Variants in LRRK2 observed in about 807,000 individuals in gnomAD.
The protein encoded by LRRK2 is leucine rich repeat kinase 2.
LRRK2 carries 203 observed loss-of-function variants against 302.6 expected under a neutral mutation model. That is an observed-to-expected ratio of 0.67 (90% confidence interval 0.60 to 0.75). The LOEUF (loss-of-function observed/expected upper bound fraction) is 0.75. LRRK2 is among the 30% of genes least tolerant of loss of function. The pLI is 0.00. For missense variants in LRRK2, 2,830 were observed against 2,951.0 expected, an observed-to-expected ratio of 0.96 and a Z score of 0.95; for synonymous variants, 1,066 against 1,031.9, an observed-to-expected ratio of 1.03 and a Z score of -0.63.
At chr12:40,270,040 G>A (rs1035858091) in intron 14 of LRRK2, among the ~76,000 whole-genome samples, 1 of 152,076 alleles carries the variant, frequency 6.6e-6, no homozygotes, top group African/African-American at 2.4e-5. Context: ...GTTTTGTTAT[G>A]TATAAAATGG....
chr12:40,295,750 C>A lies in LRRK2; in HGVS notation c.3096+106C>A, dbSNP rs1469000276. ...TTAAAAGAACATTCTACTTTTGTGT[C>A]ACTGGGTGATAAGTCCCCCGTGCCT... On this transcript the variant is annotated intron_variant, in intron 23 of 50. Transcript: ENST00000298910. 4.6e-6 allele frequency: 5 copies of A among 1,091,808 alleles called. No homozygotes were observed. In the East Asian group the frequency reaches 1.3e-4, roughly 28 times the overall value. The allele number at this position is 1,091,808 out of a possible 1,614,324, so 67.6% of individuals were successfully genotyped here. A position where few individuals can be genotyped will look rare whatever the true frequency, so the allele number is the denominator to read the frequency against.
intron 14 of LRRK2, among the ~76,000 whole-genome samples, chr12:40,270,792 A>G (rs894585292): frequency 1.2e-4 from 18 of 152,134 alleles, no homozygotes; most frequent in Admixed American, 1.0e-3. Flanking sequence ...CTTTATATAC[A>G]TATACATACA....
At chr12:40,274,516 T>C in intron 14 of LRRK2, 67 bp from the exon 15 acceptor site, 1 of 1,525,898 alleles carries the variant, frequency 6.6e-7, no homozygotes, top group Non-Finnish European at 9.0e-7. Flanking sequence ...TGTCAGTCTA[T>C]AACTGGTCTT....
chr12:40,309,512 A>G (rs999618356), intron 30 of LRRK2, among the ~76,000 whole-genome samples: 3 of 152,094 alleles, frequency 2.0e-5, no homozygotes, highest in African/African-American at 7.2e-5. Context: ...TTTTTTAATT[A>G]TATTATTTCT....
intron 2 of LRRK2, among the ~76,000 whole-genome samples, chr12:40,226,805 A>G (rs1439268518): frequency 6.6e-6 from 1 of 152,138 alleles, no homozygotes; most frequent in Non-Finnish European, 1.5e-5. Context: ...GCACTGGCCT[A>G]TTGTGCTTCC....
chr12:40,274,998 G>A lies in LRRK2; in HGVS notation c.1941+5G>A. Reference sequence around the variant, plus strand: ...GTTGCTGAAATACAGACTAAAGTATGTGCATTATCTTGGAAAGAATTTGGG... The same window carrying A: ...GTTGCTGAAATACAGACTAAAGTATATGCATTATCTTGGAAAGAATTTGGG... On this transcript the variant is annotated splice_donor_5th_base_variant and intron_variant, in intron 16 of 50. Coordinates refer to ENST00000298910, the MANE Select transcript of LRRK2 (RefSeq NM_198578.4). 1.9e-6 allele frequency: 3 copies of A among 1,613,738 alleles called. No homozygotes were observed. In the South Asian group the frequency reaches 3.3e-5, roughly 18 times the overall value.
chr12:40,300,635 C>CT lies in LRRK2; in HGVS notation c.3496+1381dup, dbSNP rs200639736. On this transcript the variant is annotated intron_variant, in intron 25 of 50. Coordinates refer to ENST00000298910, the MANE Select transcript of LRRK2 (RefSeq NM_198578.4). ...CTCCTACCCTCCTGAATATTGGCCA[C>CT]TTTCCAACCATGATCTTGAAACTGG... is the stretch of plus-strand genomic sequence containing the variant. Among the ~76,000 whole-genome samples, 45 of 152,258 alleles carry CT rather than the reference C, an allele frequency of 3.0e-4. No individual in the cohort carries two copies. The East Asian group carries it at 6.0e-3, about 20-fold the overall frequency.
chr12:40,301,316 C>A (rs769282358), intron 25 of LRRK2, among the ~76,000 whole-genome samples: 1 of 152,032 alleles, frequency 6.6e-6, no homozygotes, highest in East Asian at 1.9e-4. Flanking sequence ...CCCAGCTACT[C>A]GGGAGGCTGA....
In LRRK2 at chr12:40,287,544, T is replaced by A; in HGVS notation, c.2689+5T>A. 1 of 1,608,874 alleles carries A rather than the reference T, an allele frequency of 6.2e-7. No individual in the cohort carries two copies. Among genetic ancestry groups the A allele is most frequent in the East Asian group, 2.2e-5 (1 of 44,766 alleles). ...GTGATGACCTGGATAGTGAAGGTATTTATTATAAAAAAAAACCCTTTATGC... is the reference window on the plus strand; with the variant it reads ...GTGATGACCTGGATAGTGAAGGTATATATTATAAAAAAAAACCCTTTATGC... On this transcript the variant is annotated splice_donor_5th_base_variant and intron_variant, in intron 20 of 50. Transcript: ENST00000298910.
rs11564184 is a variant in LRRK2 at position 40,260,837 on chromosome 12, C to T, written c.1543+1233C>T. 1.2e-3 allele frequency among the ~76,000 whole-genome samples: 180 copies of T among 152,186 alleles called. 2 individuals carry two copies. The highest frequency in any genetic ancestry group is 1.5e-3 in the Non-Finnish European group (100 of 68,006). The stretch of plus-strand genomic sequence containing the variant: ...TTGGGAGATCTGTTTGATGTGACAT[C>T]GTGATCCCTAAGTATGAGGGATGAT... On this transcript the variant is annotated intron_variant, in intron 13 of 50. Coordinates refer to ENST00000298910, the MANE Select transcript of LRRK2 (RefSeq NM_198578.4).
intron 50 of LRRK2, 96 bp downstream of exon 50, chr12:40,367,173 A>G: frequency 9.7e-7 from 1 of 1,033,344 alleles, no homozygotes; most frequent in Non-Finnish European, 1.5e-6. Flanking sequence ...AATATTACAT[A>G]TGGTATAATC....
chr12:40,339,361 C>T (rs904118093), intron 40 of LRRK2, among the ~76,000 whole-genome samples: 1 of 152,184 alleles, frequency 6.6e-6, no homozygotes, highest in African/African-American at 2.4e-5. Flanking sequence ...AGTTGGAAAT[C>T]AGAATTTTAT....
At chr12:40,259,318 T>C (rs1182118032) in intron 12 of LRRK2, among the ~76,000 whole-genome samples, 162 bp from the exon 13 acceptor site, 1 of 152,204 alleles carries the variant, frequency 6.6e-6, no homozygotes, top group Non-Finnish European at 1.5e-5. Flanking sequence ...GTTTAGACAA[T>C]TAAAATTATG....
chr12:40,354,152 A>C, intron 44 of LRRK2, 147 bp from the exon 45 acceptor site: 1 of 679,488 alleles, frequency 1.5e-6, no homozygotes, highest in Non-Finnish European at 2.5e-6. Flanking sequence ...TTTATTGCTG[A>C]AAATTAAATA....
chr12:40,263,968 G>A, intron 14 of LRRK2, 67 bp downstream of exon 14: 2 of 1,233,996 alleles, frequency 1.6e-6, no homozygotes, highest in Non-Finnish European at 2.4e-6. Flanking sequence ...AGAACTAGGG[G>A]CGCTTTTTCA....
In LRRK2 at chr12:40,328,373, T is replaced by C; in HGVS notation, c.5670T>C (p.Phe1890=). Residue 1890 remains phenylalanine (F), a synonymous_variant, in exon 39 of 51, where the codon TTT becomes TTC. Transcript: ENST00000298910. ...APEFLLGDGS[F]GSVYRAAYEG... ...TCTTTTCAAAAGGTGATGGCAGTTT[T>C]GGATCAGTTTACCGAGCAGCCTATG... 6.2e-7 allele frequency: 1 copy of C among 1,613,802 alleles called. No homozygotes were observed. Among genetic ancestry groups the C allele is most frequent in the East Asian group, 2.2e-5 (1 of 44,826 alleles).
chr12:40,360,556 C>T (rs1946671509), intron 47 of LRRK2, among the ~76,000 whole-genome samples: 1 of 152,072 alleles, frequency 6.6e-6, no homozygotes, highest in Non-Finnish European at 1.5e-5. Context: ...TCTGATTATA[C>T]TCTCTTCAAC....
intron 35 of LRRK2, among the ~76,000 whole-genome samples, chr12:40,321,578 C>T (rs1270936523): frequency 1.3e-5 from 2 of 152,028 alleles, no homozygotes; most frequent in African/African-American, 2.4e-5. Flanking sequence ...CATTTTGGTA[C>T]TCCAAAGGGA....
At chr12:40,280,621 T>TTAAA (rs147801391) in intron 18 of LRRK2, among the ~76,000 whole-genome samples, 1,336 of 132,628 alleles carry the variant, frequency 0.01, 27 homozygotes, top group African/African-American at 0.021. Context: ...CCAGACCCTG[T>TTAAA]TAAAATAAAA....
Sources: gnomAD v4.1 joint callset for allele counts (sites outside exome capture counted in the v4.1 genomes callset) on GRCh38, gnomAD v4.1.1 for gene constraint, MANE v1.5 for transcripts, NCBI Gene and HGNC (gene_info 2026-07-23, HGNC 2026-07-21) for gene names.